The following NPHP4 variants were observed in gnomAD, a reference collection of about 807,000 sequenced individuals.
NPHP4 encodes the protein nephrocystin 4.
A neutral mutation model predicts 155.8 loss-of-function variants in NPHP4; 151 were observed. The ratio of observed to expected loss-of-function variants is 0.97; its 90% CI spans 0.85 to 1.11. The LOEUF is 1.11. NPHP4 is among the 50% of genes least tolerant of loss of function. The pLI, the probability that NPHP4 is intolerant of heterozygous loss-of-function variation, is 0.00. For missense variants in NPHP4, 1,956 were observed against 1,925.7 expected (o/e 1.02, Z -0.29); for synonymous variants, 845 against 816.8 (o/e 1.03, Z -0.59).
intron 10 of NPHP4, among the ~76,000 whole-genome samples, chr1:5,932,286 T>C (rs147692315): frequency 2.3e-4 from 35 of 152,346 alleles, no homozygotes; most frequent in African/African-American, 7.9e-4. Context: ...TACCATGCAA[T>C]GCTATTTGAC....
rs368998571 is a variant in NPHP4, at chr1:5,867,091, T to G, written c.3497A>C (p.Glu1166Ala). 4.3e-6 allele frequency: 7 copies of G among 1,612,424 alleles called. No homozygotes were observed. Among genetic ancestry groups the G allele is most frequent in the Non-Finnish European group, 5.1e-6 (6 of 1,179,338 alleles). ...GCAGCGAACATGGACTGGGGGGTCC[T>G]CACCAAGCATTCCCACCGGAGCACC... Reference protein sequence around the residue: ...FPGAPVGMLGEDPPVHVRCSD... With the variant: ...FPGAPVGMLGADPPVHVRCSD... The change falls in exon 25 of 30, where the codon GAG (glutamate) becomes GCG (alanine). Residue 1166 changes from glutamate to alanine, a missense_variant. Physicochemically the swap from Glu to Ala is moderately radical, Grantham distance 107. Transcript: ENST00000378156. This position sits in a 1 kb window ranked among gnomAD's most constrained non-coding sequence, Gnocchi z 4.1.
chr1:5,942,263 G>A (rs1219834882), intron 9 of NPHP4, among the ~76,000 whole-genome samples: 2 of 152,124 alleles, frequency 1.3e-5, no homozygotes, highest in Non-Finnish European at 2.9e-5. Context: ...CATGCACAGT[G>A]GCTCATGCCT....
intron 11 of NPHP4, among the ~76,000 whole-genome samples, chr1:5,916,478 T>C (rs921258780): frequency 1.1e-4 from 17 of 152,218 alleles, no homozygotes; most frequent in African/African-American, 3.9e-4. Context: ...TAATGTGACA[T>C]GAATGCAGCC....
rs1646994163 is a variant in NPHP4 at position 5,944,668 on chromosome 1, A to G, written c.1119+2436T>C. On this transcript the variant is annotated intron_variant, in intron 9 of 29. Transcript: ENST00000378156. The surrounding 1 kb of genome is among the most constrained non-coding windows in gnomAD (Gnocchi z 4.3). ...ATTCCCAGTTACAATCGACCAGCAC[A>G]TCGGAAAGTACCAATGACTGGCCGG... Among the ~76,000 whole-genome samples, 1 of 152,222 alleles carries G rather than the reference A, an allele frequency of 6.6e-6. No homozygotes were observed. Among genetic ancestry groups the G allele is most frequent in the Non-Finnish European group, 1.5e-5 (1 of 68,044 alleles).
At chr1:5,917,654 G>GAC (rs1200127992) in intron 11 of NPHP4, among the ~76,000 whole-genome samples, 1 of 152,098 alleles carries the variant, frequency 6.6e-6, no homozygotes, top group Non-Finnish European at 1.5e-5. Context: ...TGTGGGCCAG[G>GAC]ACTCATCAGG....
At chr1:5,955,722 A>G (rs1369758059) in intron 6 of NPHP4, among the ~76,000 whole-genome samples, 10 of 152,210 alleles carry the variant, frequency 6.6e-5, no homozygotes, top group Admixed American at 6.5e-4. Flanking sequence ...CGGAGCACAG[A>G]ACAGTGGTTA....
At chr1:5,945,866 C>A (rs1021085022) in intron 9 of NPHP4, among the ~76,000 whole-genome samples, 1 of 152,090 alleles carries the variant, frequency 6.6e-6, no homozygotes, top group Non-Finnish European at 1.5e-5. Flanking sequence ...TCCTAAATTG[C>A]GTGCCACTCT....
At position 5,882,947 on chromosome 1, in the gene NPHP4, C is replaced by T. The variant is rs1281492930; in HGVS notation, c.2486-2708G>A. The T allele has an allele frequency of 6.6e-6, 1 of 152,406 alleles. No homozygotes were observed. The highest frequency in any genetic ancestry group is 6.5e-5 in the Admixed American group (1 of 15,312). 9.4% of individuals were successfully genotyped at this position (152,406 alleles called of 1,614,324 possible). On this transcript the variant is annotated intron_variant, in intron 18 of 29. Coordinates refer to ENST00000378156, the MANE Select transcript of NPHP4 (RefSeq NM_015102.5). This position sits in a 1 kb window ranked among gnomAD's most constrained non-coding sequence, Gnocchi z 5.1. ...CCTAAGAAAGGAACCCAGATCAGCG[C>T]TCCTTCACACGAACAGATGTTCATG...
chr1:5,965,962 T>G (rs1651429332), intron 5 of NPHP4, among the ~76,000 whole-genome samples: 1 of 152,108 alleles, frequency 6.6e-6, no homozygotes, highest in South Asian at 2.1e-4. Flanking sequence ...GCTTCTCTCA[T>G]AAACACGCAG....
chr1:5,921,004 T>TA (rs1325393472), intron 11 of NPHP4, among the ~76,000 whole-genome samples: 1 of 152,252 alleles, frequency 6.6e-6, no homozygotes, highest in African/African-American at 2.4e-5. Context: ...TTTAAGTATT[T>TA]AATCCATCCC....
rs571508222 is a variant in NPHP4 at position 5,935,925 on chromosome 1, A to T, written c.1120-2596T>A. The stretch of plus-strand genomic sequence containing the variant: ...AAATGTATTAGGAAAACTTGTCACT[A>T]TAAGGATTCAACAATGTCTAGACTA... On this transcript the variant is annotated intron_variant, in intron 9 of 29. Transcript: ENST00000378156. Among the ~76,000 whole-genome samples, 7 of 152,316 alleles carry T rather than the reference A, an allele frequency of 4.6e-5. No homozygotes were observed. In the South Asian group the frequency reaches 1.2e-3, roughly 27 times the overall value.
At position 5,899,206 on chromosome 1, in the gene NPHP4, G is replaced by A. The variant is rs565681960; in HGVS notation, c.2143+5411C>T. 4.6e-5 allele frequency among the ~76,000 whole-genome samples: 7 copies of A among 152,224 alleles called. 1 individual carries two copies. Among genetic ancestry groups the A allele is most frequent in the South Asian group, 4.2e-4 (2 of 4,816 alleles). Reference sequence around the variant, plus strand: ...CATATCTCTAACACAACGGCCGTGCGCACCAAAAGCACACTCGCAGCAGCA... The same window carrying A: ...CATATCTCTAACACAACGGCCGTGCACACCAAAAGCACACTCGCAGCAGCA... On this transcript the variant is annotated intron_variant, in intron 16 of 29. Coordinates refer to ENST00000378156, the MANE Select transcript of NPHP4 (RefSeq NM_015102.5).
At chr1:5,887,579 G>C in intron 17 of NPHP4, 113 bp from the exon 18 acceptor site, 1 of 1,156,110 alleles carries the variant, frequency 8.6e-7, no homozygotes, top group Non-Finnish European at 1.2e-6. Context: ...GTGGGCGGGA[G>C]GGGGTGTGCG....
At position 5,952,770 on chromosome 1, in the gene NPHP4, G is replaced by C. The variant is rs375501667; in HGVS notation, c.740C>G (p.Thr247Ser). Residue 247 changes from threonine to serine, a missense_variant, in exon 7 of 30, where the codon ACC becomes AGC. By Grantham distance (58) the Thr-to-Ser change is moderately conservative. Transcript: ENST00000378156. ...ITGHLDDLFF[T>S]LYPSLEKFEE... ...AAACTTCTCCAGGGAGGGGTACAGG[G>C]TGAAGAATAAGTCATCCAAGTGCCC... The C allele has an allele frequency of 1.4e-5, 22 of 1,584,008 alleles. No individual in the cohort carries two copies. The highest frequency in any genetic ancestry group is 1.9e-5 in the Non-Finnish European group (22 of 1,164,760).
At position 5,909,207 on chromosome 1, in the gene NPHP4, G is replaced by T. The variant is rs759608529; in HGVS notation, c.1448C>A (p.Pro483Gln). The change falls in exon 12 of 30, where the codon CCA (proline) becomes CAA (glutamine). Residue 483 changes from proline (P) to glutamine (Q), a missense_variant. Pro to Gln is a moderately conservative substitution (Grantham distance 76). Coordinates refer to ENST00000378156, the MANE Select transcript of NPHP4 (RefSeq NM_015102.5). ...AGCGAGAACTCGAGGTACTGGCGCT[G>T]GCGGGCCTGGGAGGAAGCACAGTGG... ...RKPPTSPSSP[P>Q]APVPRVLAAP... 1 of 1,602,444 alleles carries T rather than the reference G, an allele frequency of 6.2e-7. No homozygotes were observed. Among genetic ancestry groups the T allele is most frequent in the South Asian group, 1.1e-5 (1 of 88,342 alleles).
chr1:5,963,569 C>T (rs1650766002), intron 5 of NPHP4, among the ~76,000 whole-genome samples: 1 of 152,142 alleles, frequency 6.6e-6, no homozygotes, highest in Non-Finnish European at 1.5e-5. Context: ...TAGGAAAAGA[C>T]TCCAAATGCT....
chr1:5,912,867 C>T (rs906879124), intron 11 of NPHP4, among the ~76,000 whole-genome samples: 2 of 152,162 alleles, frequency 1.3e-5, no homozygotes, highest in African/African-American at 4.8e-5. Flanking sequence ...CCTGGGCTCC[C>T]TCACTGGGAG....
In NPHP4 at chr1:5,863,419, T is replaced by C; in HGVS notation, c.4141-14A>G. 6.2e-6 allele frequency: 10 copies of C among 1,611,272 alleles called. No homozygotes were observed. Among genetic ancestry groups the C allele is most frequent in the Non-Finnish European group, 8.5e-6 (10 of 1,177,638 alleles). On this transcript the variant is annotated splice_polypyrimidine_tract_variant and intron_variant, in intron 29 of 29. Coordinates refer to ENST00000378156, the MANE Select transcript of NPHP4 (RefSeq NM_015102.5). Reference sequence around the variant, plus strand: ...TCCACCCCCGACCTGGAAATAAGCATCCAAATCCCAGCATCCACCCCCGGG... The same window carrying C: ...TCCACCCCCGACCTGGAAATAAGCACCCAAATCCCAGCATCCACCCCCGGG...
At chr1:5,883,363 G>C (rs563684598) in intron 18 of NPHP4, among the ~76,000 whole-genome samples, 3 of 151,836 alleles carry the variant, frequency 2.0e-5, no homozygotes, top group Admixed American at 6.6e-5. Context: ...AAGTGCCACC[G>C]ATGTTCACGC....
Sources: gnomAD v4.1 joint callset for allele counts (sites outside exome capture counted in the v4.1 genomes callset) on GRCh38, gnomAD v4.1.1 for gene constraint, Gnocchi (gnomAD v3.1) non-coding constraint, MANE v1.5 for transcripts, NCBI Gene and HGNC (gene_info 2026-07-23, HGNC 2026-07-21) for gene names.